PCDHGB5: variants seen among roughly 807,000 people sequenced by gnomAD.
The protein encoded by PCDHGB5 is protocadherin gamma subfamily B, 5, also known as protocadherin gamma-B5.
PCDHGB5 carries 48 observed loss-of-function variants against 62.9 expected under a neutral mutation model. The observed-to-expected ratio is 0.76, with a 90% confidence interval of 0.61 to 0.97. PCDHGB5 has a LOEUF of 0.97. Among genes scored for constraint, PCDHGB5 ranks in the 50% least tolerant of loss-of-function variants. The pLI is 0.00. For missense variants in PCDHGB5, 1,118 were observed against 1,198.6 expected (o/e 0.93, Z 0.99); for synonymous variants, 474 against 511.2 (o/e 0.93, Z 0.98).
intron 1 of PCDHGB5, chr5:141,402,869 C>G (rs1051518401): frequency 6.7e-5 from 97 of 1,448,564 alleles, no homozygotes; most frequent in Admixed American, 6.1e-4. Flanking sequence ...GAAAAGATCA[C>G]CATACTTTGC....
At position 141,491,448 on chromosome 5, in the gene PCDHGB5, A is replaced by G; in HGVS notation, c.2398-3359A>G. ...GGCAGTGCTGCAGGCGCCAGGACTC[A>G]CCCTCCCCGGACTTCTATAAGCAGT... On this transcript the variant is annotated intron_variant, in intron 1 of 3. Coordinates refer to ENST00000617380, the MANE Select transcript of PCDHGB5 (RefSeq NM_018925.3). The surrounding 1 kb of genome is among the most constrained non-coding windows in gnomAD (Gnocchi z 6.9). The G allele has an allele frequency of 6.2e-7, 1 of 1,613,792 alleles. No homozygotes were observed. The highest frequency in any genetic ancestry group is 8.5e-7 in the Non-Finnish European group (1 of 1,179,986).
chr5:141,413,198 C>G, intron 1 of PCDHGB5: 1 of 1,611,416 alleles, frequency 6.2e-7, no homozygotes, highest in Non-Finnish European at 8.5e-7. Context: ...AGGAATCGCT[C>G]AAAGGAATCA....
At chr5:141,454,796 ATTTTTTT>A (rs61612330) in intron 1 of PCDHGB5, among the ~76,000 whole-genome samples, 2,943 of 77,244 alleles carry the variant, frequency 0.038, 52 homozygotes, top group African/African-American at 0.09. Context: ...CATGGTTCTA[ATTTTTTT>A]TTTTTTTTTT....
rs776632782 is a variant in PCDHGB5, at chr5:141,415,681, A to G, written c.2397+15157A>G. 6.3e-5 allele frequency: 95 copies of G among 1,518,728 alleles called. 2 individuals are homozygous for G. In the Middle Eastern group the frequency reaches 2.1e-3, roughly 34 times the overall value. 94.1% of individuals were successfully genotyped at this position (1,518,728 alleles called of 1,614,324 possible). A position where few individuals can be genotyped will look rare whatever the true frequency, so the allele number is the denominator to read the frequency against. Reference sequence around the variant, plus strand: ...TGGTTTTTACTTTGAAGTTTGCGGCATGATGGTGGAAAGTGTAAATGCTAA... The same window carrying G: ...TGGTTTTTACTTTGAAGTTTGCGGCGTGATGGTGGAAAGTGTAAATGCTAA... On this transcript the variant is annotated intron_variant, in intron 1 of 3. Transcript: ENST00000617380.
At chr5:141,463,583 G>A (rs1444995569) in intron 1 of PCDHGB5, among the ~76,000 whole-genome samples, 1 of 151,598 alleles carries the variant, frequency 6.6e-6, no homozygotes, top group African/African-American at 2.4e-5. Flanking sequence ...CGAGTAGCTG[G>A]GACTACAGGT....
At position 141,399,773 on chromosome 5, in the gene PCDHGB5, G is replaced by A. The variant is rs750173338; in HGVS notation, c.1646G>A (p.Gly549Asp). 1.9e-6 allele frequency: 3 copies of A among 1,613,302 alleles called. No individual in the cohort carries two copies. Among genetic ancestry groups the A allele is most frequent in the Admixed American group, 1.7e-5 (1 of 60,002 alleles). The change falls in exon 1 of 4, where the codon GGC becomes GAC. Residue 549 changes from glycine to aspartate, a missense_variant. Around this residue, in one of 2 missense-constraint regions of PCDHGB5, gnomAD observed 1,034 missense variants for 1,029.1 expected, o/e 1.00. Transcript: ENST00000617380. ...SANVSLRVLV[G>D]DRNDNAPRVL... The stretch of plus-strand genomic sequence containing the variant: ...AACGTGAGCCTGCGCGTGTTGGTGG[G>A]CGACCGAAACGACAACGCACCGCGG...
chr5:141,403,419 A>G, intron 1 of PCDHGB5: 1 of 1,614,050 alleles, frequency 6.2e-7, no homozygotes, highest in Non-Finnish European at 8.5e-7. Context: ...CCACTTCCAG[A>G]AGCTATTGAT....
chr5:141,426,802 C>G (rs2096961440), intron 1 of PCDHGB5: 1 of 456,696 alleles, frequency 2.2e-6, no homozygotes, highest in South Asian at 1.5e-5. Flanking sequence ...CAGCTCAGTT[C>G]TAATGAACAT....
intron 1 of PCDHGB5, chr5:141,427,435 T>C (rs536693959): frequency 2.1e-6 from 1 of 474,160 alleles, no homozygotes; most frequent in African/African-American, 2.0e-5. Flanking sequence ...ACATGCCTCA[T>C]AAACGAAAGA....
chr5:141,489,776 C>T lies in PCDHGB5; in HGVS notation c.2398-5031C>T. The T allele has an allele frequency of 6.2e-7, 1 of 1,614,202 alleles. No homozygotes were observed. Among genetic ancestry groups the T allele is most frequent in the Non-Finnish European group, 8.5e-7 (1 of 1,180,020 alleles). On this transcript the variant is annotated intron_variant, in intron 1 of 3. Transcript: ENST00000617380. This position sits in a 1 kb window ranked among gnomAD's most constrained non-coding sequence, Gnocchi z 4.5. ...ACTCTAAGCCCCAACAGCCACTTCT[C>T]TCTGAATGTGAAGACCCTAAAAGAT...
At chr5:141,412,057 T>C (rs1426056647) in intron 1 of PCDHGB5, 1 of 152,202 alleles carries the variant, frequency 6.6e-6, no homozygotes, top group Non-Finnish European at 1.5e-5. Flanking sequence ...TCTATACCCT[T>C]TGCATTTGAG....
intron 1 of PCDHGB5, among the ~76,000 whole-genome samples, chr5:141,462,430 T>C (rs1471523013): frequency 2.0e-5 from 3 of 152,230 alleles, no homozygotes; most frequent in African/African-American, 4.8e-5. Flanking sequence ...TTGGTGAGTG[T>C]TGCTTACACA....
chr5:141,450,937 A>G (rs1011608521), intron 1 of PCDHGB5, among the ~76,000 whole-genome samples: 1 of 148,134 alleles, frequency 6.8e-6, no homozygotes, highest in African/African-American at 2.5e-5. Flanking sequence ...CAATTCTCCT[A>G]CCTCAGCCTC....
rs115565444 is a variant in PCDHGB5, at chr5:141,487,520, G to A, written c.2398-7287G>A. On this transcript the variant is annotated intron_variant, in intron 1 of 3. Transcript: ENST00000617380. This position sits in a 1 kb window ranked among gnomAD's most constrained non-coding sequence, Gnocchi z 5.0. ...CTTGGCTTCTGCACCCACTCGGAGT[G>A]ATAGCTTCATGATGGTGAAGTCACC... is the stretch of plus-strand genomic sequence containing the variant. The A allele has an allele frequency of 3.3e-4, 540 of 1,614,166 alleles. 6 individuals carry two copies. The East Asian group carries it at 8.7e-3, about 26-fold the overall frequency.
chr5:141,425,241 AG>A (rs2096863585), intron 1 of PCDHGB5, among the ~76,000 whole-genome samples: 1 of 152,220 alleles, frequency 6.6e-6, no homozygotes, highest in Admixed American at 6.5e-5. Flanking sequence ...TTAAATAAAA[AG>A]GATATGAGGT....
intron 3 of PCDHGB5, among the ~76,000 whole-genome samples, chr5:141,509,722 C>A (rs919655821): frequency 5.9e-5 from 9 of 152,140 alleles, no homozygotes; most frequent in African/African-American, 2.2e-4. Flanking sequence ...CTGATGTCAC[C>A]TAGCTGTGGC....
chr5:141,490,130 C>A lies in PCDHGB5; in HGVS notation c.2398-4677C>A, dbSNP rs535362535. On this transcript the variant is annotated intron_variant, in intron 1 of 3. Coordinates refer to ENST00000617380, the MANE Select transcript of PCDHGB5 (RefSeq NM_018925.3). The surrounding 1 kb of genome is among the most constrained non-coding windows in gnomAD (Gnocchi z 5.4). ...GTGCGGAACCTCTTTGGCCTAGACC[C>A]TAGCAGTGGGGCAATCCATGTGTTG... 11 of 1,614,242 alleles carry A rather than the reference C, an allele frequency of 6.8e-6. No individual in the cohort carries two copies. In the African/African-American group the frequency reaches 1.3e-4, roughly 20 times the overall value.
chr5:141,405,414 T>G, intron 1 of PCDHGB5: 3 of 1,562,312 alleles, frequency 1.9e-6, no homozygotes, highest in Non-Finnish European at 2.6e-6. Flanking sequence ...TTTCTTTTTT[T>G]GTTTTTTGTT....
Position 141,477,553 on chromosome 5 carries a change from A to G in PCDHGB5, c.2398-17254A>G. ...TCCCCGGGGCTCCAATACTAAACCTAAGTGTCTGGGACCCCGACGCCCCGC... is the reference window on the plus strand; with the variant it reads ...TCCCCGGGGCTCCAATACTAAACCTGAGTGTCTGGGACCCCGACGCCCCGC... On this transcript the variant is annotated intron_variant, in intron 1 of 3. Transcript: ENST00000617380. This position sits in a 1 kb window ranked among gnomAD's most constrained non-coding sequence, Gnocchi z 4.9. 5 of 1,614,090 alleles carry G rather than the reference A, an allele frequency of 3.1e-6. No individual in the cohort carries two copies. The highest frequency in any genetic ancestry group is 4.2e-6 in the Non-Finnish European group (5 of 1,180,020).
Sources: allele counts gnomAD v4.1 joint callset (sites outside exome capture counted in the v4.1 genomes callset), GRCh38; gene constraint gnomAD v4.1.1; regional missense constraint gnomAD v4.1.1; non-coding constraint Gnocchi (gnomAD v3.1); transcripts MANE v1.5; gene names NCBI Gene and HGNC (gene_info 2026-07-23, HGNC 2026-07-21).